CPSF6: variants seen among roughly 807,000 people sequenced by gnomAD.
CPSF6 encodes the protein cleavage and polyadenylation specificity factor subunit 6.
A neutral mutation model predicts 56.7 loss-of-function variants in CPSF6; 10 were observed. The observed-to-expected ratio is 0.18, with a 90% CI of 0.11 to 0.30. The LOEUF (loss-of-function observed/expected upper bound fraction) is 0.30. Among genes scored for constraint, CPSF6 ranks in the 10% least tolerant of loss-of-function variants. CPSF6 has a pLI of 1.00. For missense variants in CPSF6, 419 were observed against 722.9 expected, an observed-to-expected ratio of 0.58 and a Z score of 4.82; for synonymous variants, 248 against 244.8, an observed-to-expected ratio of 1.01 and a Z score of -0.12.
At position 69,257,865 on chromosome 12, in the gene CPSF6, T is replaced by C. The variant is rs750781509; in HGVS notation, c.654T>C (p.Pro218=). ...CTGTTCCTGGTGGGGACAGATTTCC[T>C]GGGCCAGCAGGACCAGGAGGGCCAC... The part of the protein sequence containing the change: ...PGAVPGGDRF[P]GPAGPGGPPP... The change falls in exon 5 of 10, where the codon CCT becomes CCC. Residue 218 remains proline (P), a synonymous_variant. Transcript: ENST00000435070. The C allele has an allele frequency of 3.7e-6, 6 of 1,606,250 alleles. No homozygotes were observed. The Admixed American group carries it at 8.7e-5, about 23-fold the overall frequency.
intron 1 of CPSF6, among the ~76,000 whole-genome samples, chr12:69,242,810 A>T (rs962893263): frequency 1.2e-4 from 18 of 152,220 alleles, no homozygotes; most frequent in Non-Finnish European, 1.5e-5. Flanking sequence ...TAAATAATTT[A>T]AAAGTTGAAT....
Position 69,260,066 on chromosome 12 carries a change from G to A in CPSF6, c.1338G>A (p.Glu446=), listed in dbSNP as rs199819889. The change falls in exon 8 of 10, where the codon GAG becomes GAA. Residue 446 remains glutamate, a synonymous_variant. Coordinates refer to ENST00000435070, the MANE Select transcript of CPSF6 (RefSeq NM_007007.3). The part of the protein sequence containing the change: ...ASAGDYGSAI[E]TLVTAISLIK... ...CAGGTGATTATGGGAGTGCTATTGA[G>A]ACACTGGTAACTGCAATTTCTTTAA... 37 of 1,613,270 alleles carry A rather than the reference G, an allele frequency of 2.3e-5. No individual in the cohort carries two copies. In the Admixed American group the frequency reaches 5.2e-4, roughly 23 times the overall value.
At chr12:69,245,899 A>G (rs111532166) in intron 1 of CPSF6, among the ~76,000 whole-genome samples, 19,010 of 152,244 alleles carry the variant, frequency 0.12, 1,332 homozygotes, top group Non-Finnish European at 0.16. Flanking sequence ...CTGCCTGGCC[A>G]ACATGGCGAA....
chr12:69,241,899 G>C (rs1296040007), intron 1 of CPSF6, among the ~76,000 whole-genome samples: 17 of 150,016 alleles, frequency 1.1e-4, no homozygotes, highest in Non-Finnish European at 2.5e-4. Context: ...TTACATTACC[G>C]CTTCTTGCTG....
chr12:69,255,115 A>T (rs1389343391), intron 3 of CPSF6: 1 of 152,186 alleles, frequency 6.6e-6, no homozygotes, highest in Non-Finnish European at 1.5e-5. Context: ...TGTTCTGGAC[A>T]TTTCATCTAA....
intron 1 of CPSF6, among the ~76,000 whole-genome samples, chr12:69,240,566 C>T (rs1282580984): frequency 6.6e-6 from 1 of 152,122 alleles, no homozygotes; most frequent in Non-Finnish European, 1.5e-5. Flanking sequence ...GATGTTAGCT[C>T]ACCCACAGAT....
intron 9 of CPSF6, among the ~76,000 whole-genome samples, chr12:69,264,782 T>G (rs1872894000): frequency 6.6e-6 from 1 of 152,140 alleles, no homozygotes; most frequent in African/African-American, 2.4e-5. Context: ...ATTAAATATA[T>G]TCAAGTAAAT....
intron 9 of CPSF6, among the ~76,000 whole-genome samples, chr12:69,264,101 C>T (rs547552127): frequency 2.0e-5 from 3 of 152,136 alleles, no homozygotes; most frequent in South Asian, 2.1e-4. Context: ...GAGTTAAATA[C>T]ATCTGATCCC....
intron 1 of CPSF6, among the ~76,000 whole-genome samples, chr12:69,244,706 T>A (rs200296799): frequency 2.1e-5 from 3 of 146,044 alleles, no homozygotes; most frequent in Admixed American, 6.9e-5. Context: ...TTTTTTTTTT[T>A]AAGCTTTTTT....
intron 4 of CPSF6, 123 bp from the exon 5 acceptor site, chr12:69,257,609 T>C (rs1336626253): frequency 4.7e-6 from 4 of 844,802 alleles, no homozygotes; most frequent in Non-Finnish European, 7.3e-6. Flanking sequence ...TTATGTAGTT[T>C]GCATAGGCAC....
In CPSF6 at chr12:69,258,775, C is replaced by G. The variant is rs1371087633; in HGVS notation, c.880C>G (p.Pro294Ala). The change falls in exon 6 of 10, where the codon CCT (proline) becomes GCT (alanine). Residue 294 changes from proline to alanine, a missense_variant. Coordinates refer to ENST00000435070, the MANE Select transcript of CPSF6 (RefSeq NM_007007.3). The surrounding 1 kb of genome is among the most constrained non-coding windows in gnomAD (Gnocchi z 4.2). ...FGQPPLGPLP[P>A]GPPPPVPGYG... is the part of the protein sequence containing the mutation. Reference sequence around the variant, plus strand: ...GCAGCCTCCATTGGGTCCACTTCCTCCTGGCCCTCCACCTCCAGTTCCAGG... The same window carrying G: ...GCAGCCTCCATTGGGTCCACTTCCTGCTGGCCCTCCACCTCCAGTTCCAGG... The G allele has an allele frequency of 6.2e-7, 1 of 1,614,104 alleles. No individual in the cohort carries two copies. The highest frequency in any genetic ancestry group is 1.3e-5 in the African/African-American group (1 of 75,014).
chr12:69,268,621 G>A (rs1873104550), intron 9 of CPSF6, among the ~76,000 whole-genome samples: 1 of 151,738 alleles, frequency 6.6e-6, no homozygotes, highest in South Asian at 2.1e-4. Flanking sequence ...TATTATTGAA[G>A]TGGTTTCTTG....
In CPSF6 at chr12:69,262,617, A is replaced by T. The variant is rs373497298; in HGVS notation, c.*3+55A>T. ...GTGTGTATTCTTAACAGTAACTATA[A>T]CTCCAAGGCTACTGTTTATACAGTA... On this transcript the variant is annotated intron_variant, in intron 9 of 9. Coordinates refer to ENST00000435070, the MANE Select transcript of CPSF6 (RefSeq NM_007007.3). 6.6e-5 allele frequency: 101 copies of T among 1,533,930 alleles called. 2 individuals are homozygous for T. The highest frequency in any genetic ancestry group is 4.9e-4 in the East Asian group (20 of 41,218).
chr12:69,262,265 G>C, intron 8 of CPSF6, 108 bp from the exon 9 acceptor site: 1 of 1,365,820 alleles, frequency 7.3e-7, no homozygotes, highest in Non-Finnish European at 9.6e-7. Flanking sequence ...GTTTAAACCA[G>C]ATTTACAAAG....
At chr12:69,252,290 T>A (rs1274889573) in intron 2 of CPSF6, 1 of 306,598 alleles carries the variant, frequency 3.3e-6, no homozygotes, top group Non-Finnish European at 6.4e-6. Flanking sequence ...GCTATATTGC[T>A]TCAGGCTGGC....
At chr12:69,250,997 A>G (rs889742633) in intron 1 of CPSF6, 132 bp from the exon 2 acceptor site, 12 of 905,268 alleles carry the variant, frequency 1.3e-5, no homozygotes, top group African/African-American at 3.4e-5. Flanking sequence ...CATAAAGTGG[A>G]AAAAGATTTG....
intron 1 of CPSF6, among the ~76,000 whole-genome samples, chr12:69,245,734 T>C (rs2120441535): frequency 6.6e-6 from 1 of 152,330 alleles, no homozygotes. Context: ...ATTTAGTTTC[T>C]GCTCTGTCAG....
At position 69,252,121 on chromosome 12, in the gene CPSF6, C is replaced by T. The variant is rs898004619; in HGVS notation, c.270+783C>T. The stretch of plus-strand genomic sequence containing the variant: ...AATTTGCAAAACTCTGTCACCCAGG[C>T]TGGAGTGCAGTGGTGTAATCATAGC... On this transcript the variant is annotated intron_variant, in intron 2 of 9. Coordinates refer to ENST00000435070, the MANE Select transcript of CPSF6 (RefSeq NM_007007.3). 3 of 454,498 alleles carry T rather than the reference C, an allele frequency of 6.6e-6. No individual in the cohort carries two copies. The East Asian group carries it at 2.1e-4, about 32-fold the overall frequency. The allele number at this position is 454,498 out of a possible 1,614,324, so 28.2% of individuals were successfully genotyped here.
chr12:69,253,456 T>C (rs1872349825), intron 3 of CPSF6, among the ~76,000 whole-genome samples: 2 of 152,168 alleles, frequency 1.3e-5, no homozygotes, highest in African/African-American at 4.8e-5. Flanking sequence ...GAACCATTAC[T>C]CTCCCTGTGA....
Sources: gnomAD v4.1 joint callset for allele counts (sites outside exome capture counted in the v4.1 genomes callset) on GRCh38, gnomAD v4.1.1 for gene constraint, Gnocchi (gnomAD v3.1) non-coding constraint, MANE v1.5 for transcripts, NCBI Gene and HGNC (gene_info 2026-07-23, HGNC 2026-07-21) for gene names.